The following ITPKB variants were observed in gnomAD, a reference collection of about 807,000 sequenced individuals.
ITPKB encodes the protein inositol-trisphosphate 3-kinase B.
Under a neutral mutation model 69.4 loss-of-function variants are expected in ITPKB, and 13 were observed. That is an observed-to-expected ratio of 0.19 (90% CI 0.12 to 0.30). The LOEUF is 0.30. Ranked by LOEUF, ITPKB falls within the 10% of genes least tolerant of loss-of-function variation. ITPKB has a pLI of 1.00. For missense variants in ITPKB, 1,240 were observed against 1,250.5 expected (o/e 0.99, Z 0.13); for synonymous variants, 584 against 513.7 (o/e 1.14, Z -1.85).
chr1:226,735,981 C>G lies in ITPKB; in HGVS notation c.1478G>C (p.Cys493Ser), dbSNP rs376931152. 1 of 1,614,014 alleles carries G rather than the reference C, an allele frequency of 6.2e-7. No homozygotes were observed. Among genetic ancestry groups the G allele is most frequent in the South Asian group, 1.1e-5 (1 of 91,084 alleles). The stretch of plus-strand genomic sequence containing the variant: ...CACACCCACCCTGTCCCCAGGAGGG[C>G]ACTGAGGTTCTTTCAGATCTTTCGC... ...DAAKDLKEPQ[C>S]PPGDRVGVQP... The change falls in exon 2 of 8, where the codon TGC becomes TCC. Residue 493 changes from cysteine (C) to serine (S), a missense_variant. By Grantham distance (112) the Cys-to-Ser change is moderately radical. Transcript: ENST00000429204.
At chr1:226,690,359 A>G (rs1008917248) in intron 2 of ITPKB, among the ~76,000 whole-genome samples, 25 of 152,320 alleles carry the variant, frequency 1.6e-4, no homozygotes, top group Middle Eastern at 6.8e-3. Context: ...GATGTAGACA[A>G]CCAGGCTCAG....
At chr1:226,694,724 C>CCA (rs1656435828) in intron 2 of ITPKB, among the ~76,000 whole-genome samples, 1 of 152,186 alleles carries the variant, frequency 6.6e-6, no homozygotes, top group African/African-American at 2.4e-5. Flanking sequence ...TGGCCTCTAC[C>CCA]CACTATGTGC....
intron 2 of ITPKB, among the ~76,000 whole-genome samples, chr1:226,689,088 G>C (rs1476278491): frequency 6.6e-6 from 1 of 152,154 alleles, no homozygotes; most frequent in African/African-American, 2.4e-5. Flanking sequence ...AAGCCACTGG[G>C]ATATGTTTTC....
chr1:226,676,710 G>A (rs1012336532), intron 2 of ITPKB, among the ~76,000 whole-genome samples: 3 of 152,204 alleles, frequency 2.0e-5, no homozygotes, highest in African/African-American at 7.2e-5. Flanking sequence ...ATTTTAATTC[G>A]TTAATGGACT....
At chr1:226,724,855 A>G (rs894967746) in intron 2 of ITPKB, among the ~76,000 whole-genome samples, 1 of 152,168 alleles carries the variant, frequency 6.6e-6, no homozygotes, top group Non-Finnish European at 1.5e-5. Context: ...CTGAGCATCA[A>G]TTTGTGCAGA....
chr1:226,672,062 CAAGA>C (rs1669628785), intron 2 of ITPKB, among the ~76,000 whole-genome samples: 2 of 152,232 alleles, frequency 1.3e-5, no homozygotes, highest in African/African-American at 4.8e-5. Context: ...AGGGTGAAAA[CAAGA>C]AAGATCCATT....
Position 226,736,026 on chromosome 1 carries a change from G to T in ITPKB, c.1433C>A (p.Pro478His). 1.2e-6 allele frequency: 2 copies of T among 1,613,726 alleles called. No homozygotes were observed. Among genetic ancestry groups the T allele is most frequent in the Non-Finnish European group, 1.7e-6 (2 of 1,180,008 alleles). ...TTTCGCAGCGTCCCAACAGGGCAAA[G>T]GCTCCAGCATTCTGCCAGAAGGAAT... The part of the protein sequence containing the change: ...AGIPSGRMLE[P>H]LPCWDAAKDL... The change falls in exon 2 of 8, where the codon CCT becomes CAT. Residue 478 changes from proline to histidine, a missense_variant. Pro to His is a moderately conservative substitution (Grantham distance 77, BLOSUM62 -2). Transcript: ENST00000429204.
chr1:226,683,225 C>T (rs181888242), intron 2 of ITPKB, among the ~76,000 whole-genome samples: 8 of 152,220 alleles, frequency 5.3e-5, no homozygotes. Context: ...AACACCTCCC[C>T]CTTCGTGCTT....
At chr1:226,693,118 G>A (rs1656396934) in intron 2 of ITPKB, among the ~76,000 whole-genome samples, 1 of 152,230 alleles carries the variant, frequency 6.6e-6, no homozygotes, top group African/African-American at 2.4e-5. Context: ...GCCCTTGAAG[G>A]TAGCACATTA....
At chr1:226,715,311 T>C (rs536872362) in intron 2 of ITPKB, among the ~76,000 whole-genome samples, 1 of 152,244 alleles carries the variant, frequency 6.6e-6, no homozygotes, top group Non-Finnish European at 1.5e-5. Context: ...TCGCAGGTAG[T>C]AGATAAAACC....
At chr1:226,714,676 A>G (rs1183657728) in intron 2 of ITPKB, among the ~76,000 whole-genome samples, 1 of 152,218 alleles carries the variant, frequency 6.6e-6, no homozygotes, top group Non-Finnish European at 1.5e-5. Context: ...ATTCAACTCC[A>G]ATGGCACCAT....
Position 226,736,412 on chromosome 1 carries a change from A to G in ITPKB, c.1047T>C (p.Phe349=), listed in dbSNP as rs762191313. 6.2e-7 allele frequency: 1 copy of G among 1,612,702 alleles called. No individual in the cohort carries two copies. The highest frequency in any genetic ancestry group is 1.1e-5 in the South Asian group (1 of 91,090). ...GGGCTGGGCTTGTCTCACTGCCCAG[A>G]AACTGCCCCTGCCTCTCCACCAGGG... ...PEALVERQGQ[F]LGSETSPAPE... The change falls in exon 2 of 8, where the codon TTT becomes TTC. Residue 349 remains phenylalanine, a synonymous_variant. Coordinates refer to ENST00000429204, the MANE Select transcript of ITPKB (RefSeq NM_002221.4).
chr1:226,671,108 A>G (rs1669607339), intron 2 of ITPKB, among the ~76,000 whole-genome samples: 1 of 152,136 alleles, frequency 6.6e-6, no homozygotes. Flanking sequence ...AGGTTCTGTG[A>G]GCTCAGGACT....
chr1:226,677,928 C>T (rs1189906794), intron 2 of ITPKB, among the ~76,000 whole-genome samples: 2 of 152,174 alleles, frequency 1.3e-5, no homozygotes, highest in Non-Finnish European at 2.9e-5. Context: ...AGGAGCTTCA[C>T]CTTCATGCAT....
At chr1:226,683,108 T>G (rs921866621) in intron 2 of ITPKB, among the ~76,000 whole-genome samples, 2 of 152,192 alleles carry the variant, frequency 1.3e-5, no homozygotes, top group Non-Finnish European at 1.5e-5. Context: ...CACTGCAACC[T>G]GTCACTGTGC....
Position 226,633,276 on chromosome 1 carries a change from A to C in ITPKB, c.*1395T>G. 1 of 152,048 alleles carries C rather than the reference A, an allele frequency of 6.6e-6. No homozygotes were observed. The highest frequency in any genetic ancestry group is 1.5e-5 in the Non-Finnish European group (1 of 68,044). 9.4% of individuals were successfully genotyped at this position (152,048 alleles called of 1,614,324 possible). A position where few individuals can be genotyped will look rare whatever the true frequency, so the allele number is the denominator to read the frequency against. ...GGCAGTGGTTCCTCCAGACACACAC[A>C]CCTTGGTCCATAGTCTCCCTCTGTG... On this transcript the variant is annotated 3_prime_UTR_variant, in exon 8 of 8. Transcript: ENST00000429204.
At chr1:226,707,824 T>C (rs1571867711) in intron 2 of ITPKB, 1 of 1,167,414 alleles carries the variant, frequency 8.6e-7, no homozygotes, top group South Asian at 1.9e-5. Context: ...TTCCAGAGAG[T>C]AGTGTAGGAA....
chr1:226,729,054 C>G (rs1657509034), intron 2 of ITPKB, among the ~76,000 whole-genome samples: 1 of 152,136 alleles, frequency 6.6e-6, no homozygotes, highest in African/African-American at 2.4e-5. Context: ...GTGTTCAAAG[C>G]TGAGGTGGAT....
intron 2 of ITPKB, among the ~76,000 whole-genome samples, chr1:226,725,328 T>C (rs1657377587): frequency 6.6e-6 from 1 of 152,016 alleles, no homozygotes; most frequent in South Asian, 2.1e-4. Flanking sequence ...GGGTGCAAAG[T>C]GCACTTCTCA....
Sources: gnomAD v4.1 joint callset for allele counts (sites outside exome capture counted in the v4.1 genomes callset) on GRCh38, gnomAD v4.1.1 for gene constraint, MANE v1.5 for transcripts, NCBI Gene and HGNC (gene_info 2026-07-23, HGNC 2026-07-21) for gene names.